Variants in ZNF208 observed in about 807,000 individuals in gnomAD.
ZNF208 encodes the protein zinc finger protein 208.
ZNF208 carries 10 observed loss-of-function variants against 12.1 expected under a neutral mutation model. That is an observed-to-expected ratio of 0.83 (90% CI 0.51 to 1.40). The LOEUF (loss-of-function observed/expected upper bound fraction) is 1.40. Ranked by LOEUF, ZNF208 falls within the 40% of genes most tolerant of loss-of-function variation. ZNF208 has a pLI of 0.00. For synonymous variants in ZNF208, 497 were observed against 488.4 expected, an observed-to-expected ratio of 1.02 and a Z score of -0.23; for missense variants, 1,652 against 1,485.0, an observed-to-expected ratio of 1.11 and a Z score of -1.85.
intron 4 of ZNF208, among the ~76,000 whole-genome samples, chr19:21,943,004 T>C (rs1365023062): frequency 6.6e-6 from 1 of 152,202 alleles, no homozygotes; most frequent in East Asian, 1.9e-4. Context: ...TGCACATTTA[T>C]CAAGTTGCTT....
At chr19:21,988,699 C>T in intron 2 of ZNF208, 84 bp downstream of exon 2, 2 of 1,606,304 alleles carry the variant, frequency 1.2e-6, no homozygotes, top group Admixed American at 1.7e-5. Flanking sequence ...TCACATTCAT[C>T]CTCCGTTGTT....
At chr19:21,960,405 A>G (rs544767686) in intron 4 of ZNF208, among the ~76,000 whole-genome samples, 2 of 152,278 alleles carry the variant, frequency 1.3e-5, no homozygotes, top group South Asian at 4.1e-4. Flanking sequence ...TAAGAAAAGG[A>G]AAAAAAGTGG....
chr19:22,006,655 C>A (rs1057132), intron 1 of ZNF208, among the ~76,000 whole-genome samples: 258 of 152,274 alleles, frequency 1.7e-3, no homozygotes, highest in African/African-American at 5.7e-3. Context: ...AAGGAACTAA[C>A]TGGGCCTTTA....
chr19:21,973,138 A>T lies in ZNF208; in HGVS notation c.1896T>A (p.Ala632=). 1 of 1,613,560 alleles carries T rather than the reference A, an allele frequency of 6.2e-7. No homozygotes were observed. Reference sequence around the variant, plus strand: ...CTTTACATTTGTAGGGCTTCTCTCCAGCATGAATTGCCTTATGTGTAGTAA... The same window carrying T: ...CTTTACATTTGTAGGGCTTCTCTCCTGCATGAATTGCCTTATGTGTAGTAA... ...STLTTHKAIH[A]GEKPYKCKEC... The change falls in exon 4 of 4, where the codon GCT becomes GCA. Residue 632 remains alanine, a synonymous_variant. Transcript: ENST00000397126.
At chr19:21,984,581 A>C (rs528869526) in intron 3 of ZNF208, among the ~76,000 whole-genome samples, 119 of 151,680 alleles carry the variant, frequency 7.8e-4, no homozygotes, top group Middle Eastern at 3.4e-3. Flanking sequence ...AACAAACAAA[A>C]AAAATATATA....
At position 21,967,684 on chromosome 19, in the gene ZNF208, C is replaced by T. The variant is rs1483010291; in HGVS notation, c.*3507G>A. 1.3e-5 allele frequency: 2 copies of T among 152,110 alleles called. No individual in the cohort carries two copies. Among genetic ancestry groups the T allele is most frequent in the Admixed American group, 6.6e-5 (1 of 15,258 alleles). 9.4% of individuals were successfully genotyped at this position (152,110 alleles called of 1,614,324 possible). On this transcript the variant is annotated 3_prime_UTR_variant, in exon 4 of 4. Coordinates refer to ENST00000397126, the MANE Select transcript of ZNF208 (RefSeq NM_007153.3). ...GACAGGCATGAGCCACCATGCTTGG[C>T]CCAGATTTATTCTTTTAGTCTGAAG...
chr19:21,944,668 A>G (rs983342765), intron 4 of ZNF208, among the ~76,000 whole-genome samples: 9 of 151,976 alleles, frequency 5.9e-5, no homozygotes, highest in African/African-American at 2.2e-4. Context: ...AATGATGTAA[A>G]GTATTGTTTC....
chr19:21,984,390 T>C (rs1970597888), intron 3 of ZNF208, among the ~76,000 whole-genome samples: 1 of 151,848 alleles, frequency 6.6e-6, no homozygotes, highest in African/African-American at 2.4e-5. Flanking sequence ...CTGTCTCTAC[T>C]AAAATACAAA....
rs753852303 is a variant in ZNF208 at position 21,987,253 on chromosome 19, C to A, written c.189G>T (p.Trp63Cys). The change falls in exon 3 of 4, where the codon TGG becomes TGT. Residue 63 changes from tryptophan to cysteine, a missense_variant. Around this residue, in one of 3 missense-constraint regions of ZNF208, gnomAD observed 410 missense variants for 378.2 expected, o/e 1.08. Transcript: ENST00000397126. Reference sequence around the variant, plus strand: ...CCACCATCTCATGTCTCTTCATATTCCAGGACTCTTTTCCTTCCTCCAGAA... The same window carrying A: ...CCACCATCTCATGTCTCTTCATATTACAGGACTCTTTTCCTTCCTCCAGAA... ...IIFLEEGKES[W>C]NMKRHEMVEE... 5.6e-6 allele frequency: 9 copies of A among 1,612,840 alleles called. No individual in the cohort carries two copies. In the East Asian group the frequency reaches 1.8e-4, roughly 32 times the overall value.
chr19:22,007,505 C>A (rs1312562942), intron 1 of ZNF208, among the ~76,000 whole-genome samples: 3 of 62,566 alleles, frequency 4.8e-5, no homozygotes, highest in South Asian at 8.1e-4. Context: ...ACTCTGTCTC[C>A]AAAAAAAAAA....
At chr19:21,986,154 C>A (rs1233390389) in intron 3 of ZNF208, among the ~76,000 whole-genome samples, 1 of 152,002 alleles carries the variant, frequency 6.6e-6, no homozygotes, top group Non-Finnish European at 1.5e-5. Flanking sequence ...TATTTTAACA[C>A]AGCACTTGAA....
chr19:22,004,801 C>T (rs1321389389), intron 1 of ZNF208, among the ~76,000 whole-genome samples: 1 of 152,128 alleles, frequency 6.6e-6, no homozygotes, highest in African/African-American at 2.4e-5. Context: ...GAAAAAGTAC[C>T]TTTTTGGTGC....
Position 22,010,802 on chromosome 19 carries a change from C to T in ZNF208, c.-8G>A. ...ACCCGGCACACTCACCATTTCTAGG[C>T]TTCCAGGGGGTCCTGGCGACTTAGT... On this transcript the variant is annotated 5_prime_UTR_variant, in exon 1 of 4. Coordinates refer to ENST00000397126, the MANE Select transcript of ZNF208 (RefSeq NM_007153.3). 1.2e-6 allele frequency: 2 copies of T among 1,614,134 alleles called. No homozygotes were observed. The highest frequency in any genetic ancestry group is 1.7e-6 in the Non-Finnish European group (2 of 1,179,998).
chr19:21,945,863 C>T (rs1234704349), intron 4 of ZNF208, among the ~76,000 whole-genome samples: 1 of 151,740 alleles, frequency 6.6e-6, no homozygotes, highest in South Asian at 2.1e-4. Context: ...CCCCCAACCC[C>T]CAGGTTAGTG....
Position 21,987,197 on chromosome 19 carries a change from T to A in ZNF208, c.226+19A>T, listed in dbSNP as rs762404402. The A allele has an allele frequency of 7.7e-5, 124 of 1,604,652 alleles. No homozygotes were observed. Among genetic ancestry groups the A allele is most frequent in the Middle Eastern group, 1.6e-4 (1 of 6,066 alleles). On this transcript the variant is annotated intron_variant, in intron 3 of 3. Coordinates refer to ENST00000397126, the MANE Select transcript of ZNF208 (RefSeq NM_007153.3). ...CTTTCGACCTCTCATCCATGTTGTC[T>A]GTATTCACTCTCACCTACCTGGGGA...
intron 4 of ZNF208, among the ~76,000 whole-genome samples, chr19:21,943,397 G>T (rs553938380): frequency 1.3e-5 from 2 of 152,152 alleles, no homozygotes; most frequent in African/African-American, 4.8e-5. Context: ...TCCTTATTTT[G>T]GGAGAGTATG....
rs139827854 is a variant in ZNF208, at chr19:21,981,735, A to C, written c.226+5481T>G. 5.7e-3 allele frequency among the ~76,000 whole-genome samples: 863 copies of C among 152,314 alleles called. 1 individual carries two copies. Among genetic ancestry groups the C allele is most frequent in the African/African-American group, 0.019 (805 of 41,564 alleles). ...GCAATCAGGCAAGAAAAAGAAATAA[A>C]GGATATTCAAATAGGAAAAGAGGAA... On this transcript the variant is annotated intron_variant, in intron 3 of 3. Transcript: ENST00000397126.
rs1158730461 is a variant in ZNF208, at chr19:21,971,999, C to A, written c.3035G>T (p.Trp1012Leu). The A allele has an allele frequency of 1.2e-6, 2 of 1,611,546 alleles. No homozygotes were observed. The highest frequency in any genetic ancestry group is 1.7e-6 in the Non-Finnish European group (2 of 1,178,922). ...CTTATGTTCCATAAGGTTTGATGAC[C>A]AGTTGAAAGCTTTGCCACATTCTTC... ...KCEECGKAFN[W>L]SSNLMEHKKI... Residue 1012 changes from tryptophan to leucine, a missense_variant, in exon 4 of 4, where the codon TGG (tryptophan) becomes TTG (leucine). By Grantham distance (61) the Trp-to-Leu change is moderately conservative. Around this residue, in one of 3 missense-constraint regions of ZNF208, gnomAD observed 1,239 missense variants for 1,086.2 expected, o/e 1.14. Coordinates refer to ENST00000397126, the MANE Select transcript of ZNF208 (RefSeq NM_007153.3).
chr19:21,975,015 T>C (rs540456679), intron 3 of ZNF208, among the ~76,000 whole-genome samples: 1 of 152,192 alleles, frequency 6.6e-6, no homozygotes, highest in Non-Finnish European at 1.5e-5. Flanking sequence ...GAGTTAAGTG[T>C]GTGCAGTGCC....
Sources: allele counts gnomAD v4.1 joint callset (sites outside exome capture counted in the v4.1 genomes callset), GRCh38; gene constraint gnomAD v4.1.1; regional missense constraint gnomAD v4.1.1; transcripts MANE v1.5; gene names NCBI Gene and HGNC (gene_info 2026-07-23, HGNC 2026-07-21).